TPRG1: variants seen among roughly 807,000 people sequenced by gnomAD.
The protein encoded by TPRG1 is tumor protein p63 regulated 1, also known as tumor protein p63-regulated gene 1 protein.
In TPRG1, 29 loss-of-function variants were observed where a neutral mutation model predicts 29.3. The observed-to-expected ratio is 0.99, with a 90% CI of 0.74 to 1.35. The LOEUF is 1.35. Ranked by LOEUF, TPRG1 falls within the 40% of genes most tolerant of loss-of-function variation. The pLI is 0.00. For synonymous variants in TPRG1, 130 were observed against 116.8 expected (o/e 1.11, Z -0.73); for missense variants, 327 against 335.0 (o/e 0.98, Z 0.19).
At chr3:189,096,335 T>C (rs1047982867), upstream of TPRG1, among the ~76,000 whole-genome samples, 1 of 152,208 alleles carries the variant, frequency 6.6e-6, no homozygotes, top group Non-Finnish European at 1.5e-5. Context: ...TTACCTTCTC[T>C]GTGAAGACTT....
intron 1 of TPRG1, among the ~76,000 whole-genome samples, chr3:189,199,561 C>T (rs542998770): frequency 1.2e-4 from 19 of 152,238 alleles, no homozygotes; most frequent in East Asian, 3.9e-4. Context: ...TATCCAGGGC[C>T]GGGCCCGATG....
At chr3:189,083,038 A>G (rs531030570) in intron 4 of TPRG1, among the ~76,000 whole-genome samples, 2 of 152,200 alleles carry the variant, frequency 1.3e-5, no homozygotes, top group South Asian at 4.2e-4. Flanking sequence ...CATTTCTCAT[A>G]TTTTTCCATT....
intron 1 of TPRG1, among the ~76,000 whole-genome samples, chr3:188,998,152 C>CGTTA (rs1475274106): frequency 5.8e-5 from 1 of 17,140 alleles, no homozygotes; most frequent in Non-Finnish European, 2.0e-3. Context: ...GGGAGCAGAC[C>CGTTA]ATAAACAAAC....
At chr3:189,315,373 G>A in intron 5 of TPRG1, 1 of 381,354 alleles carries the variant, frequency 2.6e-6, no homozygotes, top group Non-Finnish European at 5.2e-6. Flanking sequence ...GATGTGATAT[G>A]GTATAATATT....
At chr3:189,165,253 CTCAACTT>C (rs1728007843) in intron 5 of TPRG1, among the ~76,000 whole-genome samples, 1 of 151,874 alleles carries the variant, frequency 6.6e-6, no homozygotes, top group South Asian at 2.1e-4. Flanking sequence ...TTACCACACC[CTCAACTT>C]TGCCTGCCGC....
intron 1 of TPRG1, among the ~76,000 whole-genome samples, chr3:188,998,445 T>C (rs1711895795): frequency 6.6e-6 from 1 of 152,202 alleles, no homozygotes; most frequent in Non-Finnish European, 1.5e-5. Flanking sequence ...TATGACTTGA[T>C]GTTAGAAAGG....
chr3:189,316,951 G>C (rs968279655), intron 5 of TPRG1, among the ~76,000 whole-genome samples: 1 of 152,104 alleles, frequency 6.6e-6, no homozygotes, highest in African/African-American at 2.4e-5. Context: ...TTGTCACCCT[G>C]CTTGTCTCTC....
intron 1 of TPRG1, among the ~76,000 whole-genome samples, chr3:189,190,610 T>G (rs1396933139): frequency 1.3e-5 from 2 of 152,178 alleles, no homozygotes; most frequent in Non-Finnish European, 2.9e-5. Context: ...TGCTAATAGC[T>G]CTTCACAAGA....
chr3:189,220,028 G>A (rs1217162397), intron 3 of TPRG1, among the ~76,000 whole-genome samples: 1 of 152,172 alleles, frequency 6.6e-6, no homozygotes, highest in Non-Finnish European at 1.5e-5. Context: ...CAATCAGAAG[G>A]TTTGGCTTTG....
chr3:189,150,642 T>A (rs527326822), intron 4 of TPRG1: 6 of 152,210 alleles, frequency 3.9e-5, no homozygotes, highest in African/African-American at 1.4e-4. Context: ...GCTTTTTAAA[T>A]GTATTTTCAA....
At chr3:189,165,902 C>T (rs559903350) in intron 5 of TPRG1, among the ~76,000 whole-genome samples, 8 of 152,304 alleles carry the variant, frequency 5.3e-5, no homozygotes, top group African/African-American at 1.7e-4. Context: ...AGAGGCAGGG[C>T]TGTAACTGGT....
chr3:189,102,113 A>G (rs1719279052), intron 1 of TPRG1, among the ~76,000 whole-genome samples: 1 of 152,072 alleles, frequency 6.6e-6, no homozygotes. Context: ...CATTCCACAC[A>G]CTTTTTCCAA....
At chr3:189,148,896 T>A in intron 4 of TPRG1, among the ~76,000 whole-genome samples, 1 of 152,172 alleles carries the variant, frequency 6.6e-6, no homozygotes, top group East Asian at 1.9e-4. Flanking sequence ...CACCATCCCA[T>A]TTCTCCCGTT....
chr3:189,305,300 T>G (rs1340399039), intron 4 of TPRG1, among the ~76,000 whole-genome samples: 1 of 152,240 alleles, frequency 6.6e-6, no homozygotes, highest in African/African-American at 2.4e-5. Context: ...GACTGAGGAC[T>G]GACTGGCATA....
chr3:189,196,571 G>C (rs534781096), intron 1 of TPRG1, among the ~76,000 whole-genome samples: 1 of 152,156 alleles, frequency 6.6e-6, no homozygotes, highest in African/African-American at 2.4e-5. Context: ...ATCAGATCTC[G>C]TGATACTTAC....
upstream of TPRG1, among the ~76,000 whole-genome samples, chr3:189,169,796 G>A (rs1194166894): frequency 6.6e-6 from 1 of 152,166 alleles, no homozygotes; most frequent in Non-Finnish European, 1.5e-5. Context: ...CCCATTGCAC[G>A]GAAGAGGCAA....
chr3:189,109,550 C>T (rs756755778), intron 1 of TPRG1, among the ~76,000 whole-genome samples: 1 of 152,098 alleles, frequency 6.6e-6, no homozygotes, highest in African/African-American at 2.4e-5. Context: ...TAAGTTCATC[C>T]ACCAGTCCAG....
chr3:189,280,932 G>T (rs911889899), intron 4 of TPRG1, among the ~76,000 whole-genome samples: 1 of 152,054 alleles, frequency 6.6e-6, no homozygotes, highest in African/African-American at 2.4e-5. Flanking sequence ...TCTCCTTCGG[G>T]AGACCCATGA....
At chr3:189,281,217 T>A (rs1423700845) in intron 4 of TPRG1, among the ~76,000 whole-genome samples, 1 of 152,182 alleles carries the variant, frequency 6.6e-6, no homozygotes, top group Non-Finnish European at 1.5e-5. Context: ...AGCTAATAAA[T>A]GGTAAAGCAA....
Sources: gnomAD v4.1 joint callset for allele counts (sites outside exome capture counted in the v4.1 genomes callset) on GRCh38, gnomAD v4.1.1 for gene constraint, MANE v1.5 for transcripts, NCBI Gene and HGNC (gene_info 2026-07-23, HGNC 2026-07-21) for gene names.